The following MICAL2 variants were observed in gnomAD, a reference collection of about 807,000 sequenced individuals.
MICAL2 encodes the protein microtubule associated monooxygenase, calponin and LIM domain containing 2, also known as [F-actin]-monooxygenase MICAL2.
Under a neutral mutation model 127.3 loss-of-function variants are expected in MICAL2, and 77 were observed. The ratio of observed to expected loss-of-function variants is 0.60; its 90% CI spans 0.50 to 0.73. The LOEUF is 0.73. Ranked by LOEUF, MICAL2 falls within the 30% of genes least tolerant of loss-of-function variation. The pLI is 0.00. For synonymous variants in MICAL2, 570 were observed against 551.1 expected (o/e 1.03, Z -0.48); for missense variants, 1,351 against 1,434.4 (o/e 0.94, Z 0.94).
intron 7 of MICAL2, 139 bp downstream of exon 7, chr11:12,213,549 C>T (rs949149338): frequency 1.0e-5 from 8 of 796,444 alleles, no homozygotes; most frequent in African/African-American, 5.2e-5. Flanking sequence ...ATGATTTTCC[C>T]TAGGATAGTG....
intron 4 of MICAL2, among the ~76,000 whole-genome samples, chr11:12,205,910 C>G (rs1363706318): frequency 6.6e-6 from 1 of 152,114 alleles, no homozygotes; most frequent in Non-Finnish European, 1.5e-5. Flanking sequence ...GAGCCATGTT[C>G]TTATGAGGAC....
chr11:12,154,337 G>A (rs552149907), intron 2 of MICAL2, among the ~76,000 whole-genome samples: 6 of 152,140 alleles, frequency 3.9e-5, no homozygotes, highest in Non-Finnish European at 7.4e-5. Flanking sequence ...CTGAGCGCTT[G>A]TTAGGCCTGG....
intron 3 of MICAL2, among the ~76,000 whole-genome samples, chr11:12,177,492 T>C (rs979426705): frequency 6.6e-6 from 1 of 152,236 alleles, no homozygotes; most frequent in African/African-American, 2.4e-5. Context: ...ACAAAAGTTT[T>C]AAATTTTGAT....
At chr11:12,170,111 G>A (rs80085743) in intron 3 of MICAL2, among the ~76,000 whole-genome samples, 25 of 152,222 alleles carry the variant, frequency 1.6e-4, no homozygotes, top group African/African-American at 5.1e-4. Context: ...CATTTGCGTG[G>A]TGCTTTACAG....
intron 4 of MICAL2, among the ~76,000 whole-genome samples, chr11:12,206,428 A>G (rs1349780617): frequency 1.3e-5 from 2 of 152,226 alleles, no homozygotes; most frequent in Non-Finnish European, 2.9e-5. Flanking sequence ...CTTGTGAGAA[A>G]GGAGGCAAGG....
chr11:12,254,932 T>TG (rs1862118385), intron 22 of MICAL2: 1 of 150,080 alleles, frequency 6.7e-6, no homozygotes, highest in Non-Finnish European at 1.5e-5. Flanking sequence ...TTTTTTTTTT[T>TG]TTTGAGACAG....
chr11:12,335,029 C>G (rs1428281870), intron 32 of MICAL2, among the ~76,000 whole-genome samples: 7 of 152,098 alleles, frequency 4.6e-5, no homozygotes, highest in African/African-American at 1.7e-4. Context: ...AATCACCACA[C>G]TGTCTTCCAC....
At chr11:12,322,752 AATC>A (rs1296973822) in intron 30 of MICAL2, among the ~76,000 whole-genome samples, 1 of 152,194 alleles carries the variant, frequency 6.6e-6, no homozygotes, top group African/African-American at 2.4e-5. Flanking sequence ...TACACACAAA[AATC>A]ATAATAGATT....
At chr11:12,267,685 T>G (rs1863625252), downstream of MICAL2, among the ~76,000 whole-genome samples, 1 of 152,200 alleles carries the variant, frequency 6.6e-6, no homozygotes, top group Admixed American at 6.5e-5. Context: ...CGCTGCAAAC[T>G]TCACCTCCTG....
At chr11:12,117,336 G>A (rs1353829836) in intron 1 of MICAL2, among the ~76,000 whole-genome samples, 2 of 152,180 alleles carry the variant, frequency 1.3e-5, no homozygotes, top group South Asian at 2.1e-4. Context: ...AGGTCTTGAC[G>A]CACACAGCCT....
intron 20 of MICAL2, 94 bp downstream of exon 20, chr11:12,242,866 T>A (rs1162887672): frequency 3.5e-6 from 3 of 853,446 alleles, no homozygotes; most frequent in Non-Finnish European, 5.4e-6. Flanking sequence ...TTTCTCCTCC[T>A]TCCTCCTTTT....
intron 2 of MICAL2, among the ~76,000 whole-genome samples, chr11:12,149,492 T>C (rs1010417555): frequency 6.6e-6 from 1 of 152,166 alleles, no homozygotes; most frequent in Non-Finnish European, 1.5e-5. Context: ...GAAATGTTTT[T>C]ACGAGATTTT....
At chr11:12,171,172 A>AT (rs1856210180) in intron 3 of MICAL2, among the ~76,000 whole-genome samples, 2 of 152,114 alleles carry the variant, frequency 1.3e-5, no homozygotes, top group South Asian at 4.1e-4. Context: ...TTCAAAAGAG[A>AT]CGGGAAGTTA....
rs1342071827 is a variant in MICAL2, at chr11:12,242,330, T to G, written c.2454T>G (p.Gly818=). ...GAGCCAAGTCTGACCTACAGCTGGGTGGGACAGAAAATTTCGCTACCCTGC... is the reference window on the plus strand; with the variant it reads ...GAGCCAAGTCTGACCTACAGCTGGGGGGGACAGAAAATTTCGCTACCCTGC... ...RARAKSDLQL[G]GTENFATLPS... The change falls in exon 19 of 28, where the codon GGT becomes GGG. Residue 818 remains glycine, a synonymous_variant. Transcript: ENST00000683283. 1 of 1,614,090 alleles carries G rather than the reference T, an allele frequency of 6.2e-7. No individual in the cohort carries two copies.
chr11:12,318,509 TTGG>T (rs1441494216), intron 29 of MICAL2, among the ~76,000 whole-genome samples: 1 of 152,218 alleles, frequency 6.6e-6, no homozygotes, highest in East Asian at 1.9e-4. Context: ...TTTGTCAAAC[TTGG>T]CCTCTCTCAC....
intron 1 of MICAL2, among the ~76,000 whole-genome samples, chr11:12,129,084 T>C (rs534443079): frequency 3.9e-4 from 60 of 152,338 alleles, no homozygotes; most frequent in African/African-American, 1.3e-3. Context: ...CCTTATTATA[T>C]AGATGTGGGT....
At chr11:12,232,164 A>G (rs1334884047) in intron 15 of MICAL2, among the ~76,000 whole-genome samples, 2 of 152,188 alleles carry the variant, frequency 1.3e-5, no homozygotes, top group African/African-American at 4.8e-5. Context: ...TTAAATGAAG[A>G]TGCTTGTTTT....
chr11:12,293,453 G>C (rs1308687096), downstream of MICAL2: 2 of 1,362,088 alleles, frequency 1.5e-6, no homozygotes, highest in Non-Finnish European at 2.0e-6. Flanking sequence ...GGGCATCTGA[G>C]ATGGGAAGAA....
chr11:12,228,459 G>A (rs1857772927), intron 15 of MICAL2, among the ~76,000 whole-genome samples: 1 of 152,204 alleles, frequency 6.6e-6, no homozygotes, highest in African/African-American at 2.4e-5. Flanking sequence ...CTCATTGAAA[G>A]GCATTTGTTG....
Sources: gnomAD v4.1 joint callset for allele counts (sites outside exome capture counted in the v4.1 genomes callset) on GRCh38, gnomAD v4.1.1 for gene constraint, MANE v1.5 for transcripts, NCBI Gene and HGNC (gene_info 2026-07-23, HGNC 2026-07-21) for gene names.